Variants in TMEM183A observed in about 807,000 individuals in gnomAD.
TMEM183A encodes the protein transmembrane protein 183A.
A neutral mutation model predicts 46.7 loss-of-function variants in TMEM183A; 21 were observed. The ratio of observed to expected loss-of-function variants is 0.45; its 90% confidence interval spans 0.32 to 0.65. The LOEUF (loss-of-function observed/expected upper bound fraction) is 0.65. Among genes scored for constraint, TMEM183A ranks in the 30% least tolerant of loss-of-function variants. The probability of loss-of-function intolerance (pLI) is 0.04; values close to 1 mark genes in which losing one functional copy is unlikely to be tolerated. For synonymous variants in TMEM183A, 165 were observed against 180.2 expected, an observed-to-expected ratio of 0.92 and a Z score of 0.68; for missense variants, 331 against 481.9, an observed-to-expected ratio of 0.69 and a Z score of 2.93.
chr1:203,007,614 C>G lies in TMEM183A; in HGVS notation c.109+40C>G, dbSNP rs201760806. 3.9e-6 allele frequency: 6 copies of G among 1,528,924 alleles called. No homozygotes were observed. The African/African-American group carries it at 8.2e-5, about 21-fold the overall frequency. The allele number at this position is 1,528,924 out of a possible 1,614,324, so 94.7% of individuals were successfully genotyped here. On this transcript the variant is annotated intron_variant, in intron 1 of 7. Transcript: ENST00000367242. ...CAGGGGCGCTGAAACATTTTGGGGG[C>G]TGGCGGCTGGGAGGGGGCTGGACCG...
chr1:203,008,935 G>C, intron 3 of TMEM183A, 125 bp downstream of exon 3: 1 of 1,049,766 alleles, frequency 9.5e-7, no homozygotes, highest in Middle Eastern at 3.2e-4. Context: ...AGAAAACTTG[G>C]CTCTCCCTAA....
In TMEM183A at chr1:203,012,332, AGTT is replaced by A. The variant is rs200708065; in HGVS notation, c.368-2556_368-2554del. ...CCATCATCTTTGTAAATATTTTAGTAGTTATCTTTTTAAAAATACCATTATCAC... is the reference window on the plus strand; with the variant it reads ...CCATCATCTTTGTAAATATTTTAGTAATCTTTTTAAAAATACCATTATCAC... On this transcript the variant is annotated intron_variant, in intron 3 of 7. Coordinates refer to ENST00000367242, the MANE Select transcript of TMEM183A (RefSeq NM_138391.6). 6.7e-3 allele frequency among the ~76,000 whole-genome samples: 1,021 copies of A among 151,554 alleles called. 17 individuals carry two copies. The highest frequency in any genetic ancestry group is 0.024 in the African/African-American group (984 of 41,246).
chr1:203,016,163 GT>G, intron 5 of TMEM183A, 23 bp downstream of exon 5: 1 of 1,613,916 alleles, frequency 6.2e-7, no homozygotes. Flanking sequence ...TTGTGTTGGG[GT>G]TTGACTAATG....
At chr1:203,008,251 T>C (rs1444483845) in intron 2 of TMEM183A, among the ~76,000 whole-genome samples, 1 of 152,202 alleles carries the variant, frequency 6.6e-6, no homozygotes, top group African/African-American at 2.4e-5. Flanking sequence ...GACTTGTGTT[T>C]TATGACACCT....
At position 203,007,379 on chromosome 1, in the gene TMEM183A, G is replaced by C. The variant is rs902656981; in HGVS notation, c.-87G>C. 12 of 1,271,174 alleles carry C rather than the reference G, an allele frequency of 9.4e-6. No individual in the cohort carries two copies. Among genetic ancestry groups the C allele is most frequent in the African/African-American group, 7.8e-5 (5 of 63,810 alleles). The allele number at this position is 1,271,174 out of a possible 1,614,324, so 78.7% of individuals were successfully genotyped here. A position where few individuals can be genotyped will look rare whatever the true frequency, so the allele number is the denominator to read the frequency against. ...TCGGAACCCGGACCTATGTTCTCGC[G>C]AGAGTTAGCGGCCTCCGGTGTGGGA... On this transcript the variant is annotated 5_prime_UTR_variant, in exon 1 of 8. Transcript: ENST00000367242.
chr1:203,023,113 T>C lies in TMEM183A; in HGVS notation c.*73T>C. ...TAATCAGATTCCAGTTTGGACAGGG[T>C]GGCTGGATTGTATATCTCGTTAGTA... On this transcript the variant is annotated 3_prime_UTR_variant, in exon 8 of 8. Transcript: ENST00000367242. 6 of 852,130 alleles carry C rather than the reference T, an allele frequency of 7.0e-6. No homozygotes were observed. Among genetic ancestry groups the C allele is most frequent in the Non-Finnish European group, 1.1e-5 (6 of 559,970 alleles). 52.8% of individuals were successfully genotyped at this position (852,130 alleles called of 1,614,324 possible). A position where few individuals can be genotyped will look rare whatever the true frequency, so the allele number is the denominator to read the frequency against.
chr1:203,014,821 A>G, intron 3 of TMEM183A, 68 bp from the exon 4 acceptor site: 2 of 1,578,070 alleles, frequency 1.3e-6, no homozygotes, highest in Non-Finnish European at 8.6e-7. Context: ...TCCTTGGGAG[A>G]AATGAAATTA....
At chr1:203,017,555 G>A (rs1165243051) in intron 5 of TMEM183A, among the ~76,000 whole-genome samples, 1 of 152,178 alleles carries the variant, frequency 6.6e-6, no homozygotes, top group African/African-American at 2.4e-5. Flanking sequence ...CAGGCCATCT[G>A]GCTGCTGCTT....
intron 5 of TMEM183A, among the ~76,000 whole-genome samples, chr1:203,016,684 T>C (rs929570765): frequency 2.6e-5 from 4 of 152,254 alleles, no homozygotes; most frequent in Admixed American, 6.5e-5. Flanking sequence ...TCTCATAGAC[T>C]ATAAGGTACC....
At chr1:203,020,766 A>G in intron 6 of TMEM183A, 27 bp from the exon 7 acceptor site, 1 of 1,613,460 alleles carries the variant, frequency 6.2e-7, no homozygotes, top group Admixed American at 1.7e-5. Flanking sequence ...CTTCTAAGCC[A>G]TTGGATTAAT....
At chr1:203,014,832 T>C (rs188615735) in intron 3 of TMEM183A, 57 bp from the exon 4 acceptor site, 3 of 1,591,852 alleles carry the variant, frequency 1.9e-6, no homozygotes, top group African/African-American at 1.3e-5. Context: ...AATGAAATTA[T>C]CGAGTATCTT....
intron 5 of TMEM183A, chr1:203,017,703 A>G (rs1434924072): frequency 8.1e-6 from 8 of 984,500 alleles, no homozygotes; most frequent in Non-Finnish European, 9.7e-6. Flanking sequence ...AAGTTGTCCC[A>G]TGTTTCTGGA....
At chr1:203,018,923 A>G (rs1657418088) in intron 6 of TMEM183A, among the ~76,000 whole-genome samples, 1 of 152,222 alleles carries the variant, frequency 6.6e-6, no homozygotes. Context: ...GGGCCTCCCC[A>G]GTAGGTCACC....
chr1:203,012,808 C>G (rs1257525330), intron 3 of TMEM183A, among the ~76,000 whole-genome samples: 1 of 152,188 alleles, frequency 6.6e-6, no homozygotes, highest in Non-Finnish European at 1.5e-5. Context: ...TGGCTCACCG[C>G]AGCCTCGACA....
intron 5 of TMEM183A, 142 bp from the exon 6 acceptor site, chr1:203,018,339 A>G: frequency 1.0e-6 from 1 of 959,544 alleles, no homozygotes; most frequent in Non-Finnish European, 1.5e-6. Context: ...TATCTGTGCC[A>G]AAGTAAAATC....
chr1:203,023,048 T>A lies in TMEM183A; in HGVS notation c.*8T>A. 1 of 1,493,772 alleles carries A rather than the reference T, an allele frequency of 6.7e-7. No homozygotes were observed. The highest frequency in any genetic ancestry group is 9.1e-7 in the Non-Finnish European group (1 of 1,099,404). 92.5% of individuals were successfully genotyped at this position (1,493,772 alleles called of 1,614,324 possible). On this transcript the variant is annotated 3_prime_UTR_variant, in exon 8 of 8. Transcript: ENST00000367242. Reference sequence around the variant, plus strand: ...TTCTCCCTGAGAGCGTAGTTACTGCTTCCCATCCCTTGGGGGCAGCCTCGA... The same window carrying A: ...TTCTCCCTGAGAGCGTAGTTACTGCATCCCATCCCTTGGGGGCAGCCTCGA...
intron 7 of TMEM183A, among the ~76,000 whole-genome samples, chr1:203,021,954 C>T (rs1489325822): frequency 6.6e-6 from 1 of 152,172 alleles, no homozygotes; most frequent in African/African-American, 2.4e-5. Flanking sequence ...TTCCACTATC[C>T]TGTAACTGCA....
chr1:203,009,179 A>G (rs1656304585), intron 3 of TMEM183A, among the ~76,000 whole-genome samples: 1 of 152,232 alleles, frequency 6.6e-6, no homozygotes, highest in African/African-American at 2.4e-5. Flanking sequence ...CAGAGATGTA[A>G]CCAAAAAATG....
At chr1:203,018,702 A>G (rs942702859) in intron 6 of TMEM183A, 141 bp downstream of exon 6, 1 of 980,754 alleles carries the variant, frequency 1.0e-6, no homozygotes, top group South Asian at 1.7e-5. Flanking sequence ...ATTTCTTAAC[A>G]GTTCTGGAGG....
Sources: allele counts gnomAD v4.1 joint callset (sites outside exome capture counted in the v4.1 genomes callset), GRCh38; gene constraint gnomAD v4.1.1; transcripts MANE v1.5; gene names NCBI Gene and HGNC (gene_info 2026-07-23, HGNC 2026-07-21).